RCC2: variants seen among roughly 807,000 people sequenced by gnomAD.
RCC2 encodes regulator of chromosome condensation 2.
Under a neutral mutation model 64.1 loss-of-function variants are expected in RCC2, and 19 were observed. That is an observed-to-expected ratio of 0.30 (90% confidence interval 0.21 to 0.44). The LOEUF (loss-of-function observed/expected upper bound fraction) is 0.44. Ranked by LOEUF, RCC2 falls within the 20% of genes least tolerant of loss-of-function variation. The pLI is 1.00. For missense variants in RCC2, 508 were observed against 710.4 expected (o/e 0.72, Z 3.24); for synonymous variants, 325 against 279.6 (o/e 1.16, Z -1.62).
chr1:17,431,359 A>AAAAAAAAT (rs1553158471), intron 2 of RCC2, among the ~76,000 whole-genome samples: 5 of 44,938 alleles, frequency 1.1e-4, no homozygotes, highest in Non-Finnish European at 1.5e-4. Flanking sequence ...AAAAAAAAAA[A>AAAAAAAAT]ATATATATAT....
Position 17,438,542 on chromosome 1 carries a change from A to G in RCC2, c.-8-20T>C. 1 of 1,307,726 alleles carries G rather than the reference A, an allele frequency of 7.6e-7. No homozygotes were observed. The highest frequency in any genetic ancestry group is 9.7e-7 in the Non-Finnish European group (1 of 1,029,356). 81.0% of individuals were successfully genotyped at this position (1,307,726 alleles called of 1,614,324 possible). ...TCGCGGCTGGAGGGAGACACGGGGC[A>G]GCGGCGCACAATGGACGGGTTATAA... On this transcript the variant is annotated intron_variant, in intron 1 of 12. Coordinates refer to ENST00000375436, the MANE Select transcript of RCC2 (RefSeq NM_018715.4).
rs6672511 is a variant in RCC2 at position 17,408,709 on chromosome 1, C to A, written c.*381G>T. On this transcript the variant is annotated 3_prime_UTR_variant, in exon 13 of 13. Coordinates refer to ENST00000375436, the MANE Select transcript of RCC2 (RefSeq NM_018715.4). The stretch of plus-strand genomic sequence containing the variant: ...TGGCGATTCCTCTTCCATGTGGCAT[C>A]TGCTTGGATCACGATGCTAATTGTA... 1 of 175,832 alleles carries A rather than the reference C, an allele frequency of 5.7e-6. No homozygotes were observed. The allele number at this position is 175,832 out of a possible 1,614,324, so 10.9% of individuals were successfully genotyped here.
At chr1:17,438,146 C>G in intron 2 of RCC2, 84 bp downstream of exon 2, 1 of 1,025,782 alleles carries the variant, frequency 9.7e-7, no homozygotes. Flanking sequence ...GAGGCGGCCC[C>G]CGGCTGGAAC....
chr1:17,433,074 G>GT (rs1334776685), intron 2 of RCC2, among the ~76,000 whole-genome samples: 2 of 152,146 alleles, frequency 1.3e-5, no homozygotes, highest in Non-Finnish European at 2.9e-5. Context: ...ATATACGTGT[G>GT]TATGTGTGAA....
intron 11 of RCC2, 152 bp from the exon 12 acceptor site, chr1:17,410,203 G>GGGT: frequency 1.5e-6 from 1 of 670,364 alleles, no homozygotes; most frequent in Non-Finnish European, 2.6e-6. Flanking sequence ...TTGCACACAA[G>GGGT]GGCCAGGTGG....
At chr1:17,426,578 C>T (rs1414298442) in intron 3 of RCC2, among the ~76,000 whole-genome samples, 1 of 152,104 alleles carries the variant, frequency 6.6e-6, no homozygotes, top group African/African-American at 2.4e-5. Flanking sequence ...CTGAGCCCCC[C>T]AGCCCTCCCA....
intron 3 of RCC2, among the ~76,000 whole-genome samples, chr1:17,426,672 C>T (rs2075619684): frequency 6.6e-6 from 1 of 151,920 alleles, no homozygotes; most frequent in Non-Finnish European, 1.5e-5. Context: ...AGCGAGCACT[C>T]AATGGGAAAG....
At chr1:17,438,781 G>A (rs922405071) in intron 1 of RCC2, among the ~76,000 whole-genome samples, 2 of 152,124 alleles carry the variant, frequency 1.3e-5, no homozygotes, top group African/African-American at 4.8e-5. Context: ...TGAGACCCCC[G>A]GCCTATCCGT....
chr1:17,431,499 CAAAAAAA>C (rs558362245), intron 2 of RCC2, among the ~76,000 whole-genome samples: 8 of 57,904 alleles, frequency 1.4e-4, no homozygotes, highest in Admixed American at 4.6e-4. Flanking sequence ...AGCCCTGTCT[CAAAAAAA>C]AAAAAAAAAA....
chr1:17,411,085 C>T (rs953213611), intron 11 of RCC2, among the ~76,000 whole-genome samples: 3 of 152,132 alleles, frequency 2.0e-5, no homozygotes, highest in Non-Finnish European at 4.4e-5. Flanking sequence ...AACGCCCTTC[C>T]TTCCCCTCCT....
In RCC2 at chr1:17,409,011, C is replaced by T. The variant is rs2075395998; in HGVS notation, c.*79G>A. 8 of 1,122,968 alleles carry T rather than the reference C, an allele frequency of 7.1e-6. No individual in the cohort carries two copies. The highest frequency in any genetic ancestry group is 2.6e-4 in the Middle Eastern group (1 of 3,814). 69.6% of individuals were successfully genotyped at this position (1,122,968 alleles called of 1,614,324 possible). ...TCAACTTTTGCTTTTTTAAATTCCT[C>T]GTTTGACTTCCCGTCCCAGTGCACA... On this transcript the variant is annotated 3_prime_UTR_variant, in exon 13 of 13. Coordinates refer to ENST00000375436, the MANE Select transcript of RCC2 (RefSeq NM_018715.4).
chr1:17,420,173 C>A (rs1413246798), intron 7 of RCC2, among the ~76,000 whole-genome samples: 1 of 152,160 alleles, frequency 6.6e-6, no homozygotes, highest in Admixed American at 6.5e-5. Flanking sequence ...AGACACTCCC[C>A]CCACTAACTG....
intron 1 of RCC2, among the ~76,000 whole-genome samples, chr1:17,439,244 G>A (rs778539445): frequency 6.6e-6 from 1 of 151,058 alleles, no homozygotes; most frequent in Non-Finnish European, 1.5e-5. Flanking sequence ...CTTGCCGGCC[G>A]TGCGGCCCGG....
In RCC2 at chr1:17,422,092, CCT is replaced by C. The variant is rs986896302; in HGVS notation, c.744+109_744+110del. On this transcript the variant is annotated intron_variant, in intron 6 of 12. Coordinates refer to ENST00000375436, the MANE Select transcript of RCC2 (RefSeq NM_018715.4). Reference sequence around the variant, plus strand: ...ACAGCATGTAACTAAACATCCAGACCCTGTTTTTACAAGGGGTAAATTAACTC... The same window carrying C: ...ACAGCATGTAACTAAACATCCAGACCGTTTTTACAAGGGGTAAATTAACTC... 9.9e-6 allele frequency: 7 copies of C among 709,480 alleles called. 1 individual carries two copies. In the Admixed American group the frequency reaches 1.8e-4, roughly 19 times the overall value. The allele number at this position is 709,480 out of a possible 1,614,324, so 43.9% of individuals were successfully genotyped here. A position where few individuals can be genotyped will look rare whatever the true frequency, so the allele number is the denominator to read the frequency against.
chr1:17,433,204 G>C (rs1557634810), intron 2 of RCC2, among the ~76,000 whole-genome samples: 1 of 152,188 alleles, frequency 6.6e-6, no homozygotes, highest in Non-Finnish European at 1.5e-5. Context: ...ATGGAGGTTA[G>C]TGTATTTCGT....
chr1:17,426,760 T>TTA (rs2075621323), intron 3 of RCC2, among the ~76,000 whole-genome samples: 1 of 13,430 alleles, frequency 7.4e-5, no homozygotes, highest in Admixed American at 8.1e-4. Flanking sequence ...CTTACTTTTC[T>TTA]TTTTTTTTTT....
At chr1:17,414,536 A>T (rs1034594646) in intron 8 of RCC2, among the ~76,000 whole-genome samples, 2 of 149,926 alleles carry the variant, frequency 1.3e-5, no homozygotes, top group Non-Finnish European at 3.0e-5. Context: ...TCTCAAAAAA[A>T]AAAAACAAAA....
intron 7 of RCC2, 112 bp from the exon 8 acceptor site, chr1:17,416,758 T>TG: frequency 1.8e-6 from 2 of 1,125,498 alleles, no homozygotes; most frequent in Non-Finnish European, 2.5e-6. Flanking sequence ...CTGGCCCTTC[T>TG]GGGCCTTAGA....
chr1:17,422,342 G>C, intron 5 of RCC2, 51 bp from the exon 6 acceptor site: 1 of 1,482,222 alleles, frequency 6.7e-7, no homozygotes, highest in Non-Finnish European at 9.4e-7. Context: ...TGAATGTTTT[G>C]AACTAGATTT....
Sources: gnomAD v4.1 joint callset for allele counts (sites outside exome capture counted in the v4.1 genomes callset) on GRCh38, gnomAD v4.1.1 for gene constraint, MANE v1.5 for transcripts, NCBI Gene and HGNC (gene_info 2026-07-23, HGNC 2026-07-21) for gene names.